MYO5A: variants seen among roughly 807,000 people sequenced by gnomAD.
The protein encoded by MYO5A is myosin VA, also known as unconventional myosin-Va.
Under a neutral mutation model 249.7 loss-of-function variants are expected in MYO5A, and 98 were observed. The observed-to-expected ratio is 0.39, with a 90% CI of 0.33 to 0.46. The LOEUF is 0.46. Among genes scored for constraint, MYO5A ranks in the 20% least tolerant of loss-of-function variants. The pLI is 0.98. For synonymous variants in MYO5A, 778 were observed against 810.6 expected, an observed-to-expected ratio of 0.96 and a Z score of 0.68; for missense variants, 1,696 against 2,308.8, an observed-to-expected ratio of 0.73 and a Z score of 5.44.
intron 24 of MYO5A, among the ~76,000 whole-genome samples, chr15:52,361,077 TA>T (rs2040499993): frequency 6.6e-6 from 1 of 152,116 alleles, no homozygotes; most frequent in Non-Finnish European, 1.5e-5. Context: ...CAGAGGCACG[TA>T]AAAGTCTCCC....
intron 1 of MYO5A, among the ~76,000 whole-genome samples, chr15:52,502,587 C>A (rs554284099): frequency 6.6e-6 from 1 of 152,192 alleles, no homozygotes; most frequent in South Asian, 2.1e-4. Context: ...AGTGTCTGAT[C>A]AGTAAGGCCA....
At chr15:52,380,670 G>A (rs1311264756) in intron 16 of MYO5A, among the ~76,000 whole-genome samples, 2 of 152,146 alleles carry the variant, frequency 1.3e-5, no homozygotes, top group Non-Finnish European at 2.9e-5. Context: ...CAGAGGCTGA[G>A]GCAGGAGAAT....
chr15:52,387,797 T>C (rs765081995), intron 14 of MYO5A, 32 bp downstream of exon 14: 4 of 1,443,204 alleles, frequency 2.8e-6, no homozygotes, highest in Admixed American at 1.7e-5. Flanking sequence ...TTTGCATACA[T>C]CCTGGATTAG....
At chr15:52,421,326 T>C (rs2043780465) in intron 4 of MYO5A, among the ~76,000 whole-genome samples, 1 of 151,920 alleles carries the variant, frequency 6.6e-6, no homozygotes, top group Non-Finnish European at 1.5e-5. Context: ...AATTCAGAAA[T>C]AATAAAACCA....
chr15:52,450,855 T>TTTTTTTGTTTGTTTTTTG (rs1567138433), intron 1 of MYO5A, among the ~76,000 whole-genome samples: 4 of 144,452 alleles, frequency 2.8e-5, no homozygotes, highest in South Asian at 4.4e-4. Context: ...TTTTTTTTTT[T>TTTTTTTGTTTGTTTTTTG]TTTTTTTTTT....
chr15:52,352,462 A>G (rs113364804), intron 27 of MYO5A, among the ~76,000 whole-genome samples: 49 of 152,334 alleles, frequency 3.2e-4, no homozygotes, highest in African/African-American at 5.8e-4. Flanking sequence ...TTGTAGCACT[A>G]TATCAGTCCT....
intron 11 of MYO5A, among the ~76,000 whole-genome samples, chr15:52,395,732 C>G (rs1172397333): frequency 6.6e-6 from 1 of 152,144 alleles, no homozygotes; most frequent in Non-Finnish European, 1.5e-5. Flanking sequence ...CACAGTTCAC[C>G]TCTGGGCTCT....
intron 1 of MYO5A, among the ~76,000 whole-genome samples, chr15:52,488,986 A>G (rs954212069): frequency 7.2e-5 from 11 of 152,236 alleles, no homozygotes; most frequent in Non-Finnish European, 1.5e-4. Context: ...TGTCAATAGC[A>G]TAACTAAATT....
At chr15:52,494,018 GC>G (rs2076987908) in intron 1 of MYO5A, among the ~76,000 whole-genome samples, 1 of 152,092 alleles carries the variant, frequency 6.6e-6, no homozygotes, top group African/African-American at 2.4e-5. Flanking sequence ...TCACTGCCTG[GC>G]CCCTCGCTCC....
chr15:52,339,600 GA>G (rs1172484971), intron 32 of MYO5A, among the ~76,000 whole-genome samples: 1 of 151,538 alleles, frequency 6.6e-6, no homozygotes, highest in Non-Finnish European at 1.5e-5. Flanking sequence ...ATCTGACAAG[GA>G]AAAAGACAAT....
rs554681874 is a variant in MYO5A at position 52,434,063 on chromosome 15, G to A, written c.28-778C>T. The stretch of plus-strand genomic sequence containing the variant: ...TGCCCAGGCTGGAGTGCAGTGGCAC[G>A]ATTTCGGCTCACTGCCACCTCTGCC... On this transcript the variant is annotated intron_variant, in intron 1 of 41. Coordinates refer to ENST00000399233, the MANE Select transcript of MYO5A (RefSeq NM_001382347.1). Among the ~76,000 whole-genome samples, 10 of 148,204 alleles carry A rather than the reference G, an allele frequency of 6.7e-5. No individual in the cohort carries two copies. The South Asian group carries it at 8.6e-4, about 13-fold the overall frequency.
At chr15:52,433,371 A>T in intron 1 of MYO5A, 86 bp from the exon 2 acceptor site, 5 of 745,502 alleles carry the variant, frequency 6.7e-6, no homozygotes, top group Non-Finnish European at 1.1e-5. Context: ...TTTATAATTA[A>T]ACAATTTATG....
chr15:52,356,528 C>G (rs2040227188), intron 25 of MYO5A, among the ~76,000 whole-genome samples: 1 of 151,750 alleles, frequency 6.6e-6, no homozygotes, highest in Non-Finnish European at 1.5e-5. Flanking sequence ...AGGTGTGTCA[C>G]CATTTGCTTA....
chr15:52,405,180 T>G, intron 9 of MYO5A, 107 bp downstream of exon 9: 1 of 825,248 alleles, frequency 1.2e-6, no homozygotes, highest in South Asian at 1.4e-5. Context: ...TAATTATGTT[T>G]CTGATAATAT....
intron 40 of MYO5A, among the ~76,000 whole-genome samples, chr15:52,316,469 T>A (rs1467142004): frequency 6.6e-6 from 1 of 152,152 alleles, no homozygotes; most frequent in African/African-American, 2.4e-5. Flanking sequence ...TACTACAGAA[T>A]TTGCTAGAAC....
intron 4 of MYO5A, among the ~76,000 whole-genome samples, chr15:52,417,329 T>C (rs2043551257): frequency 6.6e-6 from 1 of 152,178 alleles, no homozygotes. Flanking sequence ...GAAATTTAAA[T>C]TTACAAAGAA....
chr15:52,437,274 T>C (rs765690952), intron 1 of MYO5A, among the ~76,000 whole-genome samples: 1 of 152,076 alleles, frequency 6.6e-6, no homozygotes, highest in African/African-American at 2.4e-5. Flanking sequence ...CACTACTGGT[T>C]CCAGAAAAGA....
At chr15:52,340,451 CGGGT>C in intron 31 of MYO5A, 57 bp from the exon 32 acceptor site, 4 of 1,490,330 alleles carry the variant, frequency 2.7e-6, no homozygotes, top group Non-Finnish European at 3.7e-6. Context: ...TGCTGCCTAA[CGGGT>C]GTAAGGCATC....
intron 1 of MYO5A, among the ~76,000 whole-genome samples, chr15:52,503,946 A>AT (rs1265477225): frequency 6.6e-6 from 1 of 152,078 alleles, no homozygotes; most frequent in African/African-American, 2.4e-5. Flanking sequence ...TCAACTTCAC[A>AT]TAAGTGTTCA....
Sources: gnomAD v4.1 joint callset for allele counts (sites outside exome capture counted in the v4.1 genomes callset) on GRCh38, gnomAD v4.1.1 for gene constraint, MANE v1.5 for transcripts, NCBI Gene and HGNC (gene_info 2026-07-23, HGNC 2026-07-21) for gene names.